Variants in NOL4 observed in about 807,000 individuals in gnomAD.
NOL4 encodes the protein nucleolar protein 4.
Under a neutral mutation model 75.9 loss-of-function variants are expected in NOL4, and 17 were observed. The ratio of observed to expected loss-of-function variants is 0.22; its 90% CI spans 0.15 to 0.34. The LOEUF (loss-of-function observed/expected upper bound fraction) is 0.34. Ranked by LOEUF, NOL4 falls within the 10% of genes least tolerant of loss-of-function variation. The pLI, the probability that NOL4 is intolerant of heterozygous loss-of-function variation, is 1.00. For synonymous variants in NOL4, 292 were observed against 289.9 expected (o/e 1.01, Z -0.07); for missense variants, 614 against 793.5 (o/e 0.77, Z 2.72).
At chr18:34,199,521 C>G (rs2035585562) in intron 1 of NOL4, among the ~76,000 whole-genome samples, 1 of 151,924 alleles carries the variant, frequency 6.6e-6, no homozygotes, top group Non-Finnish European at 1.5e-5. Context: ...CAACTTAACT[C>G]TGAATCCACA....
intron 6 of NOL4, among the ~76,000 whole-genome samples, chr18:34,004,742 C>T (rs182241017): frequency 0.011 from 1,632 of 152,100 alleles, 15 homozygotes; most frequent in South Asian, 0.022. Context: ...AACTATTTTT[C>T]TTTTAAAACC....
intron 5 of NOL4, among the ~76,000 whole-genome samples, chr18:34,020,898 A>G (rs2074999355): frequency 6.6e-6 from 1 of 152,252 alleles, no homozygotes; most frequent in Non-Finnish European, 1.5e-5. Context: ...GTTAAAAGCT[A>G]GTAGTGAAAT....
At chr18:34,104,613 A>G (rs1338097360) in intron 3 of NOL4, among the ~76,000 whole-genome samples, 1 of 152,008 alleles carries the variant, frequency 6.6e-6, no homozygotes. Flanking sequence ...ATATTTAGCT[A>G]AATAATTTTC....
chr18:33,870,377 AAG>A (rs1371827896), intron 10 of NOL4, among the ~76,000 whole-genome samples: 1 of 151,940 alleles, frequency 6.6e-6, no homozygotes, highest in Non-Finnish European at 1.5e-5. Flanking sequence ...ATGTTGGCAA[AAG>A]AGTGCAAGTT....
chr18:33,897,598 T>C (rs936453119), intron 9 of NOL4, among the ~76,000 whole-genome samples: 5 of 151,952 alleles, frequency 3.3e-5, no homozygotes, highest in African/African-American at 1.2e-4. Context: ...AAACAGACAC[T>C]GGGTTCTACT....
intron 1 of NOL4, among the ~76,000 whole-genome samples, chr18:34,218,868 G>A (rs2037097989): frequency 6.6e-6 from 1 of 152,196 alleles, no homozygotes; most frequent in Admixed American, 6.5e-5. Context: ...TAATATAGGT[G>A]CCTTAGGCAT....
chr18:34,041,368 C>T (rs1470793608), intron 5 of NOL4, among the ~76,000 whole-genome samples: 1 of 151,952 alleles, frequency 6.6e-6, no homozygotes, highest in African/African-American at 2.4e-5. Flanking sequence ...CCAATCCCTA[C>T]TGTGAAGAAT....
At chr18:33,956,816 A>C (rs2069683742) in intron 8 of NOL4, among the ~76,000 whole-genome samples, 1 of 152,158 alleles carries the variant, frequency 6.6e-6, no homozygotes, top group African/African-American at 2.4e-5. Flanking sequence ...ATTTCACCTA[A>C]GCATTTTCAT....
At chr18:34,099,376 A>AAAAAAAAAAAAAAAAAAAAAAC (rs1283092250) in intron 4 of NOL4, among the ~76,000 whole-genome samples, 3 of 150,144 alleles carry the variant, frequency 2.0e-5, no homozygotes, top group Admixed American at 6.7e-5. Flanking sequence ...AAAAAAAAAA[A>AAAAAAAAAAAAAAAAAAAAAAC]AGACAACTAC....
intron 1 of NOL4, 82 bp from the exon 2 acceptor site, chr18:34,130,102 A>T: frequency 7.7e-7 from 1 of 1,302,140 alleles, no homozygotes. Flanking sequence ...TTAAAACAAA[A>T]TGTTTTTATA....
At position 34,102,986 on chromosome 18, in the gene NOL4, C is replaced by G. The variant is rs141501962; in HGVS notation, c.639+1061G>C. Among the ~76,000 whole-genome samples, 697 of 152,000 alleles carry G rather than the reference C, an allele frequency of 4.6e-3. 6 individuals are homozygous for G. Among genetic ancestry groups the G allele is most frequent in the African/African-American group, 0.015 (640 of 41,528 alleles). ...GTATGGAGTATACCCTGAATAACAT[C>G]TATTGAGATCAAACAATTTTATAAA... On this transcript the variant is annotated intron_variant, in intron 4 of 10. Transcript: ENST00000261592.
intron 1 of NOL4, among the ~76,000 whole-genome samples, chr18:34,175,392 T>C (rs2033451286): frequency 6.6e-6 from 1 of 152,158 alleles, no homozygotes; most frequent in Middle Eastern, 3.4e-3. Context: ...TGGATAACAG[T>C]TGAATCAAAT....
At chr18:33,903,979 C>T (rs1037157258) in intron 9 of NOL4, among the ~76,000 whole-genome samples, 3 of 152,264 alleles carry the variant, frequency 2.0e-5, no homozygotes, top group African/African-American at 7.2e-5. Context: ...AGTTCAAACT[C>T]TCCAAATCAA....
intron 1 of NOL4, among the ~76,000 whole-genome samples, chr18:34,208,577 G>A (rs1051165006): frequency 2.0e-5 from 3 of 152,150 alleles, no homozygotes; most frequent in South Asian, 2.1e-4. Context: ...TTGGCTGAGC[G>A]TAGTGGCTCA....
At chr18:34,125,481 G>A (rs1433083643) in intron 2 of NOL4, among the ~76,000 whole-genome samples, 1 of 151,942 alleles carries the variant, frequency 6.6e-6, no homozygotes, top group African/African-American at 2.4e-5. Context: ...AAAAATTCTG[G>A]GAATTTTTAC....
intron 6 of NOL4, among the ~76,000 whole-genome samples, chr18:33,967,154 G>C (rs1448359472): frequency 1.3e-5 from 2 of 152,072 alleles, no homozygotes; most frequent in East Asian, 3.9e-4. Flanking sequence ...ACAGAATAGA[G>C]AGCCTAGAAA....
chr18:33,948,842 C>T (rs75195985), intron 8 of NOL4, among the ~76,000 whole-genome samples: 302 of 152,038 alleles, frequency 2.0e-3, no homozygotes, highest in Non-Finnish European at 3.5e-3. Context: ...GGTACAATGC[C>T]TAGCACATAG....
At chr18:34,101,078 A>C (rs944137710) in intron 4 of NOL4, among the ~76,000 whole-genome samples, 14 of 152,238 alleles carry the variant, frequency 9.2e-5, no homozygotes, top group Non-Finnish European at 1.5e-4. Context: ...TCATAATTTC[A>C]CCTCTTTTCA....
intron 5 of NOL4, among the ~76,000 whole-genome samples, chr18:34,025,802 G>A (rs2144572809): frequency 6.6e-6 from 1 of 152,222 alleles, no homozygotes; most frequent in South Asian, 2.1e-4. Flanking sequence ...TTTGTGCGGA[G>A]AGAGAAACCC....
Sources: gnomAD v4.1 joint callset for allele counts (sites outside exome capture counted in the v4.1 genomes callset) on GRCh38, gnomAD v4.1.1 for gene constraint, MANE v1.5 for transcripts, NCBI Gene and HGNC (gene_info 2026-07-23, HGNC 2026-07-21) for gene names.